ZNF587B: variants seen among roughly 807,000 people sequenced by gnomAD.
The protein encoded by ZNF587B is zinc finger protein 587B.
In ZNF587B, 6 loss-of-function variants were observed where a neutral mutation model predicts 7.2. The observed-to-expected ratio is 0.83, with a 90% CI of 0.46 to 1.65. ZNF587B has a LOEUF of 1.65. Ranked by LOEUF, ZNF587B falls within the 40% of genes most tolerant of loss-of-function variation. ZNF587B has a pLI of 0.01. For missense variants in ZNF587B, 749 were observed against 761.0 expected, an observed-to-expected ratio of 0.98 and a Z score of 0.19; for synonymous variants, 274 against 254.3, an observed-to-expected ratio of 1.08 and a Z score of -0.74.
intron 2 of ZNF587B, among the ~76,000 whole-genome samples, chr19:57,840,061 C>G (rs770062704): frequency 8.0e-6 from 1 of 125,030 alleles, no homozygotes; most frequent in Non-Finnish European, 1.6e-5. Context: ...GGCAACAGAG[C>G]GAGACTCTGT....
rs1988911148 is a variant in ZNF587B, at chr19:57,842,854, TCA to T, written c.*281_*282del. The T allele has an allele frequency of 1.0e-6, 1 of 985,432 alleles. No individual in the cohort carries two copies. The highest frequency in any genetic ancestry group is 1.2e-6 in the Non-Finnish European group (1 of 829,936). The allele number at this position is 985,432 out of a possible 1,614,324, so 61.0% of individuals were successfully genotyped here. A position where few individuals can be genotyped will look rare whatever the true frequency, so the allele number is the denominator to read the frequency against. ...TTATCCAGAAGTCTGGCTTCAAAAC[TCA>T]CAGGAGAGCTGTCACTACGGAAATG... On this transcript the variant is annotated 3_prime_UTR_variant, in exon 3 of 3. Transcript: ENST00000594901.
chr19:57,830,455 A>ATAGGGAC lies in ZNF587B; in HGVS notation c.-73_-67dup, dbSNP rs1424858075. On this transcript the variant is annotated 5_prime_UTR_variant, in exon 1 of 3. Transcript: ENST00000594901. ...AAGCGTGACCCACCCCTGGGCCAGG[A>ATAGGGAC]TAGGGACCGTCATGCCCATATCTCC... is the stretch of plus-strand genomic sequence containing the variant. 9.2e-6 allele frequency: 14 copies of ATAGGGAC among 1,513,824 alleles called. No homozygotes were observed. Among genetic ancestry groups the ATAGGGAC allele is most frequent in the Non-Finnish European group, 1.1e-5 (12 of 1,119,364 alleles). 93.8% of individuals were successfully genotyped at this position (1,513,824 alleles called of 1,614,324 possible). A position where few individuals can be genotyped will look rare whatever the true frequency, so the allele number is the denominator to read the frequency against.
chr19:57,831,387 G>A (rs576158686), intron 1 of ZNF587B, among the ~76,000 whole-genome samples: 142 of 152,304 alleles, frequency 9.3e-4, no homozygotes, highest in African/African-American at 3.3e-3. Flanking sequence ...CTCGTTAGAT[G>A]CAGTCTTTAT....
chr19:57,842,734 TA>T lies in ZNF587B; in HGVS notation c.*161del, dbSNP rs1419505166. On this transcript the variant is annotated 3_prime_UTR_variant, in exon 3 of 3. Transcript: ENST00000594901. ...CAGAGAAAAGTCCTTACAAGTAAAA[TA>T]AATTTGGCAGTTTTGTAGCCACACC... 3.0e-6 allele frequency: 3 copies of T among 985,234 alleles called. No individual in the cohort carries two copies. The East Asian group carries it at 3.4e-4, about 112-fold the overall frequency. 61.0% of individuals were successfully genotyped at this position (985,234 alleles called of 1,614,324 possible). A position where few individuals can be genotyped will look rare whatever the true frequency, so the allele number is the denominator to read the frequency against.
chr19:57,842,991 G>A lies in ZNF587B; in HGVS notation c.*415G>A. Reference sequence around the variant, plus strand: ...TGTATAGGTTAGATATATAGGGAATGTTATTATTTTTTCCTTTTTTTGGAG... The same window carrying A: ...TGTATAGGTTAGATATATAGGGAATATTATTATTTTTTCCTTTTTTTGGAG... On this transcript the variant is annotated 3_prime_UTR_variant, in exon 3 of 3. Transcript: ENST00000594901. 1 of 984,732 alleles carries A rather than the reference G, an allele frequency of 1.0e-6. No individual in the cohort carries two copies. The highest frequency in any genetic ancestry group is 1.2e-6 in the Non-Finnish European group (1 of 829,364). 61.0% of individuals were successfully genotyped at this position (984,732 alleles called of 1,614,324 possible). A position where few individuals can be genotyped will look rare whatever the true frequency, so the allele number is the denominator to read the frequency against.
In ZNF587B at chr19:57,842,182, T is replaced by C. The variant is rs1364683978; in HGVS notation, c.1508T>C (p.Phe503Ser). 6.2e-7 allele frequency: 1 copy of C among 1,613,208 alleles called. No individual in the cohort carries two copies. Among genetic ancestry groups the C allele is most frequent in the Non-Finnish European group, 8.5e-7 (1 of 1,179,632 alleles). Residue 503 changes from phenylalanine (F) to serine (S), a missense_variant, in exon 3 of 3, where the codon TTT becomes TCT. By Grantham distance (155) the Phe-to-Ser change is radical. This residue lies in a region of ZNF587B where 656 missense variants were observed against 596.5 expected (regional missense o/e 1.10). Coordinates refer to ENST00000594901, the MANE Select transcript of ZNF587B (RefSeq NM_001376223.1). ...GCTTGTGAGGCTTGTCAGAAATTTT[T>C]TAGGCACAAGTGCCACCTCACTGCA... ...PYACEACQKFFRHKCHLTAHQ... is the reference protein window; with the variant it reads ...PYACEACQKFSRHKCHLTAHQ...
At position 57,830,405 on chromosome 19, in the gene ZNF587B, G is replaced by T. The variant is rs1237115428; in HGVS notation, c.-124G>T. ...CAGTTGTCCTCTGCTGCACAGAGGC[G>T]ACTCTGGAGCTCTGTGACGGCGCCA... On this transcript the variant is annotated 5_prime_UTR_variant, in exon 1 of 3. Coordinates refer to ENST00000594901, the MANE Select transcript of ZNF587B (RefSeq NM_001376223.1). 3.9e-5 allele frequency: 40 copies of T among 1,028,882 alleles called. No individual in the cohort carries two copies. Among genetic ancestry groups the T allele is most frequent in the African/African-American group, 3.2e-4 (20 of 63,028 alleles). 63.7% of individuals were successfully genotyped at this position (1,028,882 alleles called of 1,614,324 possible). A position where few individuals can be genotyped will look rare whatever the true frequency, so the allele number is the denominator to read the frequency against.
chr19:57,843,372 G>A lies in ZNF587B; in HGVS notation c.*796G>A. 2.0e-6 allele frequency: 2 copies of A among 985,306 alleles called. No individual in the cohort carries two copies. Among genetic ancestry groups the A allele is most frequent in the Non-Finnish European group, 2.4e-6 (2 of 829,906 alleles). The allele number at this position is 985,306 out of a possible 1,614,324, so 61.0% of individuals were successfully genotyped here. A position where few individuals can be genotyped will look rare whatever the true frequency, so the allele number is the denominator to read the frequency against. Reference sequence around the variant, plus strand: ...AAATTGAAAAAACTCCAGGCATGTGGCATCTGTATTATATTTTTTACTATG... The same window carrying A: ...AAATTGAAAAAACTCCAGGCATGTGACATCTGTATTATATTTTTTACTATG... On this transcript the variant is annotated 3_prime_UTR_variant, in exon 3 of 3. Transcript: ENST00000594901.
intron 2 of ZNF587B, among the ~76,000 whole-genome samples, chr19:57,840,105 A>G (rs1988782289): frequency 8.2e-6 from 1 of 121,950 alleles, no homozygotes; most frequent in Non-Finnish European, 1.7e-5. Context: ...AAAAAAAAAA[A>G]AAAAAAAGCA....
At position 57,846,101 on chromosome 19, in the gene ZNF587B, C is replaced by T. The variant is rs1989044736; in HGVS notation, c.*3525C>T. 6.6e-6 allele frequency: 1 copy of T among 152,172 alleles called. No homozygotes were observed. The highest frequency in any genetic ancestry group is 1.5e-5 in the Non-Finnish European group (1 of 68,044). 9.4% of individuals were successfully genotyped at this position (152,172 alleles called of 1,614,324 possible). ...ATAATGAATTTATCTAATCTATCACCTTTGTATTTACTTGGAGCCTTTATA... is the reference window on the plus strand; with the variant it reads ...ATAATGAATTTATCTAATCTATCACTTTTGTATTTACTTGGAGCCTTTATA... On this transcript the variant is annotated 3_prime_UTR_variant, in exon 3 of 3. Coordinates refer to ENST00000594901, the MANE Select transcript of ZNF587B (RefSeq NM_001376223.1).
chr19:57,835,917 A>G (rs1174392954), intron 1 of ZNF587B, among the ~76,000 whole-genome samples: 16 of 150,588 alleles, frequency 1.1e-4, no homozygotes, highest in African/African-American at 4.0e-4. Flanking sequence ...GGCACACTTC[A>G]TAATAAGGTA....
At position 57,830,417 on chromosome 19, in the gene ZNF587B, C is replaced by A; in HGVS notation, c.-112C>A. On this transcript the variant is annotated 5_prime_UTR_variant, in exon 1 of 3. It adds an upstream start codon to the 5' untranslated region. Coordinates refer to ENST00000594901, the MANE Select transcript of ZNF587B (RefSeq NM_001376223.1). ...GCTGCACAGAGGCGACTCTGGAGCT[C>A]TGTGACGGCGCCAAGCGTGACCCAC... is the stretch of plus-strand genomic sequence containing the variant. 1 of 1,197,130 alleles carries A rather than the reference C, an allele frequency of 8.4e-7. No homozygotes were observed. The highest frequency in any genetic ancestry group is 1.2e-6 in the Non-Finnish European group (1 of 843,554). 74.2% of individuals were successfully genotyped at this position (1,197,130 alleles called of 1,614,324 possible). A position where few individuals can be genotyped will look rare whatever the true frequency, so the allele number is the denominator to read the frequency against.
rs1173876586 is a variant in ZNF587B, at chr19:57,843,062, C to G, written c.*486C>G. 1 of 840,048 alleles carries G rather than the reference C, an allele frequency of 1.2e-6. No homozygotes were observed. Among genetic ancestry groups the G allele is most frequent in the Non-Finnish European group, 1.4e-6 (1 of 697,520 alleles). The allele number at this position is 840,048 out of a possible 1,614,324, so 52.0% of individuals were successfully genotyped here. ...CCATGCTGGTGTGCAGTGCTGCGAT[C>G]GTAGCTCACTGCATCCTCCGCCCCC... On this transcript the variant is annotated 3_prime_UTR_variant, in exon 3 of 3. Coordinates refer to ENST00000594901, the MANE Select transcript of ZNF587B (RefSeq NM_001376223.1).
rs192044067 is a variant in ZNF587B, at chr19:57,844,775, T to C, written c.*2199T>C. 1 of 152,550 alleles carries C rather than the reference T, an allele frequency of 6.6e-6. No individual in the cohort carries two copies. The highest frequency in any genetic ancestry group is 2.4e-5 in the African/African-American group (1 of 41,556). The allele number at this position is 152,550 out of a possible 1,614,324, so 9.4% of individuals were successfully genotyped here. ...TTGAACCAGACAAAATTCTCTCTTA[T>C]GAGGTATATTGCACTGTGCTCGGTA... On this transcript the variant is annotated 3_prime_UTR_variant, in exon 3 of 3. Coordinates refer to ENST00000594901, the MANE Select transcript of ZNF587B (RefSeq NM_001376223.1).
chr19:57,844,325 A>G lies in ZNF587B; in HGVS notation c.*1749A>G. On this transcript the variant is annotated 3_prime_UTR_variant, in exon 3 of 3. Coordinates refer to ENST00000594901, the MANE Select transcript of ZNF587B (RefSeq NM_001376223.1). ...CAAGACCAGCCTGGGCAATATAGTG[A>G]AATCCTGTCTCTTCTAAAAATATAA... 2.8e-6 allele frequency: 1 copy of G among 352,342 alleles called. No individual in the cohort carries two copies. The highest frequency in any genetic ancestry group is 5.7e-6 in the Non-Finnish European group (1 of 176,772). The allele number at this position is 352,342 out of a possible 1,614,324, so 21.8% of individuals were successfully genotyped here.
Position 57,843,178 on chromosome 19 carries a change from A to T in ZNF587B, c.*602A>T, listed in dbSNP as rs1158697003. 1.6e-6 allele frequency: 1 copy of T among 619,816 alleles called. No homozygotes were observed. The highest frequency in any genetic ancestry group is 2.0e-6 in the Non-Finnish European group (1 of 496,802). The allele number at this position is 619,816 out of a possible 1,614,324, so 38.4% of individuals were successfully genotyped here. A position where few individuals can be genotyped will look rare whatever the true frequency, so the allele number is the denominator to read the frequency against. On this transcript the variant is annotated 3_prime_UTR_variant, in exon 3 of 3. Coordinates refer to ENST00000594901, the MANE Select transcript of ZNF587B (RefSeq NM_001376223.1). ...CCTGGCTATTTTCTCATATTAGTAG[A>T]TATAGGGTTTTACCATGTTTCCAGG...
intron 1 of ZNF587B, among the ~76,000 whole-genome samples, chr19:57,831,945 A>G (rs1243169407): frequency 2.6e-5 from 4 of 151,584 alleles, no homozygotes; most frequent in African/African-American, 9.7e-5. Context: ...AGCTCAGGCA[A>G]TACGCTCGCC....
intron 1 of ZNF587B, among the ~76,000 whole-genome samples, chr19:57,831,612 T>C (rs1988398172): frequency 1.3e-5 from 2 of 152,184 alleles, no homozygotes; most frequent in South Asian, 2.1e-4. Flanking sequence ...CAGGCTGGTC[T>C]CGAACACCTG....
Position 57,841,591 on chromosome 19 carries a change from AT to A in ZNF587B, c.921del (p.Phe307LeufsTer3). On this transcript the variant is annotated frameshift_variant, in exon 3 of 3. Coordinates refer to ENST00000594901, the MANE Select transcript of ZNF587B (RefSeq NM_001376223.1). LOFTEE classifies it low-confidence loss of function (END_TRUNC). ...KPYGCEECGKYFSLEGYLRRH... is the reference protein window; with the variant it reads ...KPYGCEECGKXFSLEGYLRRH... ...TATGGGTGTGAAGAATGTGGGAAAT[AT>A]TTTAGCTTAGAAGGATATCTTAGGC... 6.3e-7 allele frequency: 1 copy of A among 1,577,066 alleles called. No individual in the cohort carries two copies. The highest frequency in any genetic ancestry group is 8.6e-7 in the Non-Finnish European group (1 of 1,161,136).
Sources: gnomAD v4.1 joint callset for allele counts (sites outside exome capture counted in the v4.1 genomes callset) on GRCh38, gnomAD v4.1.1 for gene constraint, gnomAD v4.1.1 regional missense constraint, MANE v1.5 for transcripts, NCBI Gene and HGNC (gene_info 2026-07-23, HGNC 2026-07-21) for gene names.